ATP13A3: variants seen among roughly 807,000 people sequenced by gnomAD.
ATP13A3 encodes the protein ATPase 13A3.
In ATP13A3, 59 loss-of-function variants were observed where a neutral mutation model predicts 158.1. That is an observed-to-expected ratio of 0.37 (90% CI 0.30 to 0.46). The LOEUF is 0.46. Ranked by LOEUF, ATP13A3 falls within the 20% of genes least tolerant of loss-of-function variation. The pLI is 1.00. For synonymous variants in ATP13A3, 491 were observed against 504.3 expected, an observed-to-expected ratio of 0.97 and a Z score of 0.35; for missense variants, 1,166 against 1,525.2, an observed-to-expected ratio of 0.76 and a Z score of 3.92.
intron 17 of ATP13A3, 58 bp downstream of exon 17, chr3:194,438,797 AT>A (rs1717842414): frequency 8.4e-7 from 1 of 1,194,776 alleles, no homozygotes; most frequent in African/African-American, 1.6e-5. Flanking sequence ...ATTGAAAAAA[AT>A]TAAAAATAAA....
chr3:194,420,717 C>T (rs578146256), intron 30 of ATP13A3, among the ~76,000 whole-genome samples: 34 of 149,908 alleles, frequency 2.3e-4, no homozygotes, highest in Admixed American at 1.3e-4. Context: ...TAAGTGTGTA[C>T]ATCTACACAT....
At chr3:194,488,514 A>G (rs1721089666), upstream of ATP13A3, 1 of 152,572 alleles carries the variant, frequency 6.6e-6, no homozygotes, top group African/African-American at 2.4e-5. The surrounding 1 kb of genome is among the most constrained non-coding windows in gnomAD (Gnocchi z 4.1). Context: ...AACACTTGGC[A>G]TTCTGGCTTC....
At chr3:194,458,342 A>G (rs1360223860) in intron 6 of ATP13A3, among the ~76,000 whole-genome samples, 12 of 125,896 alleles carry the variant, frequency 9.5e-5, no homozygotes, top group African/African-American at 4.6e-4. Flanking sequence ...TGCCAAGTCA[A>G]AAAAAAAAAA....
chr3:194,444,420 CAT>C (rs1190484624), intron 15 of ATP13A3, among the ~76,000 whole-genome samples: 1 of 152,074 alleles, frequency 6.6e-6, no homozygotes, highest in African/African-American at 2.4e-5. Flanking sequence ...AGCAGCAAAA[CAT>C]ATGTACAGTA....
rs751005733 is a variant in ATP13A3, at chr3:194,415,661, C to CTTTTTTTTTTTTTTTTTTTTTTTTTTT, written c.3403-1823_3403-1822insAAAAAAAAAAAAAAAAAAAAAAAAAAA. Among the ~76,000 whole-genome samples the CTTTTTTTTTTTTTTTTTTTTTTTTTTT allele has an allele frequency of 7.7e-5, 7 of 90,928 alleles. 1 individual carries two copies. The highest frequency in any genetic ancestry group is 4.0e-4 in the South Asian group (1 of 2,474). The allele number at this position is 90,928 out of a possible 152,430, so 59.7% of individuals were successfully genotyped here. A position where few individuals can be genotyped will look rare whatever the true frequency, so the allele number is the denominator to read the frequency against. On this transcript the variant is annotated intron_variant, in intron 31 of 33. Coordinates refer to ENST00000645319, the MANE Select transcript of ATP13A3 (RefSeq NM_001367549.1). Reference sequence around the variant, plus strand: ...GTGCAAGGATTTACAATACCACATTCTTTTTTTTTTTTTTTTTTTTTTTTT... The same window carrying CTTTTTTTTTTTTTTTTTTTTTTTTTTT: ...GTGCAAGGATTTACAATACCACATTCTTTTTTTTTTTTTTTTTTTTTTTTTTTTTTTTTTTTTTTTTTTTTTTTTTTT...
At chr3:194,455,771 A>G in intron 8 of ATP13A3, 122 bp downstream of exon 8, 1 of 681,498 alleles carries the variant, frequency 1.5e-6, no homozygotes, top group Non-Finnish European at 2.5e-6. Flanking sequence ...TTTACCTTCC[A>G]AGTAAAAATA....
rs1305803276 is a variant in ATP13A3, at chr3:194,459,517, C to T, written c.433G>A (p.Val145Ile). Reference sequence around the variant, plus strand: ...ATGGTATCATTCCAGAAATATTTTACACTATGGTGGGTGAAATAACGAATC... The same window carrying T: ...ATGGTATCATTCCAGAAATATTTTATACTATGGTGGGTGAAATAACGAATC... ...QQIRYFTHHS[V>I]KYFWNDTIHN... Residue 145 changes from valine to isoleucine, a missense_variant, in exon 6 of 34, where the codon GTA becomes ATA. This residue lies in a region of ATP13A3 where 104 missense variants were observed against 91.7 expected (regional missense o/e 1.13). Transcript: ENST00000645319. 5 of 1,604,220 alleles carry T rather than the reference C, an allele frequency of 3.1e-6. No homozygotes were observed. Among genetic ancestry groups the T allele is most frequent in the Non-Finnish European group, 4.3e-6 (5 of 1,171,846 alleles).
At chr3:194,445,686 T>G (rs942922214) in intron 14 of ATP13A3, among the ~76,000 whole-genome samples, 2 of 152,228 alleles carry the variant, frequency 1.3e-5, no homozygotes, top group African/African-American at 4.8e-5. Flanking sequence ...GTATGTGACA[T>G]ATTTTTTTCT....
rs373390034 is a variant in ATP13A3 at position 194,444,736 on chromosome 3, C to T, written c.1548G>A (p.Val516=). The part of the protein sequence containing the change: ...DGLDLWGIQR[V]ENARFLSPEE... ...TAACTAATATTTACCGTGCATTTTC[C>T]ACTCGTTGAATCCCCCAAAGATCTA... The change falls in exon 15 of 34, where the codon GTG becomes GTA. Residue 516 remains valine, a synonymous_variant. Transcript: ENST00000645319. 6.9e-6 allele frequency: 11 copies of T among 1,593,264 alleles called. No homozygotes were observed. The South Asian group carries it at 7.0e-5, about 10-fold the overall frequency.
chr3:194,448,076 ATCTC>A lies in ATP13A3; in HGVS notation c.1151-71_1151-68del, dbSNP rs991608600. On this transcript the variant is annotated intron_variant, in intron 12 of 33. Transcript: ENST00000645319. The surrounding 1 kb of genome is among the most constrained non-coding windows in gnomAD (Gnocchi z 4.0). ...AATGAGAATTATCTCCCAAAACAGA[ATCTC>A]TCTTTTTTTTTTTTTGAGACAGAGT... 69 of 1,432,748 alleles carry A rather than the reference ATCTC, an allele frequency of 4.8e-5. No homozygotes were observed. Among genetic ancestry groups the A allele is most frequent in the Middle Eastern group, 3.6e-4 (2 of 5,532 alleles). 88.8% of individuals were successfully genotyped at this position (1,432,748 alleles called of 1,614,324 possible).
At chr3:194,433,607 C>CA in intron 21 of ATP13A3, among the ~76,000 whole-genome samples, 165 bp downstream of exon 21, 1 of 152,200 alleles carries the variant, frequency 6.6e-6, no homozygotes. Context: ...AAGAATATGA[C>CA]AAAGTTATCT....
At chr3:194,410,206 T>C (rs565010640) in intron 33 of ATP13A3, among the ~76,000 whole-genome samples, 17 of 137,886 alleles carry the variant, frequency 1.2e-4, no homozygotes, top group Non-Finnish European at 1.8e-4. Flanking sequence ...ACGCCTGTAA[T>C]CCCAGCACTT....
intron 1 of ATP13A3, among the ~76,000 whole-genome samples, chr3:194,486,183 G>A (rs539702277): frequency 5.3e-5 from 8 of 152,272 alleles, no homozygotes; most frequent in African/African-American, 1.7e-4. Flanking sequence ...TGCGGAGATG[G>A]CAAGCAGCTC....
At chr3:194,423,456 G>A (rs1222368606) in intron 30 of ATP13A3, among the ~76,000 whole-genome samples, 1 of 152,154 alleles carries the variant, frequency 6.6e-6, no homozygotes, top group Non-Finnish European at 1.5e-5. Flanking sequence ...TAACAGACAG[G>A]TCCTAGAAAG....
intron 16 of ATP13A3, among the ~76,000 whole-genome samples, chr3:194,439,199 G>A: frequency 6.6e-6 from 1 of 152,166 alleles, no homozygotes; most frequent in Non-Finnish European, 1.5e-5. Flanking sequence ...ATGGGAGAAG[G>A]GTTGCTTCAT....
At chr3:194,463,300 T>C (rs1719784956) in intron 2 of ATP13A3, among the ~76,000 whole-genome samples, 1 of 151,980 alleles carries the variant, frequency 6.6e-6, no homozygotes, top group Admixed American at 6.6e-5. Context: ...TTTTTTTTTT[T>C]TTTTGTATTT....
rs753272475 is a variant in ATP13A3, at chr3:194,430,100, T to C, written c.2749A>G (p.Ser917Gly). 16 of 1,613,998 alleles carry C rather than the reference T, an allele frequency of 9.9e-6. No individual in the cohort carries two copies. Among genetic ancestry groups the C allele is most frequent in the Non-Finnish European group, 1.3e-5 (15 of 1,180,002 alleles). The change falls in exon 26 of 34, where the codon AGT (serine) becomes GGT (glycine). Residue 917 changes from serine (S) to glycine (G), a missense_variant. Coordinates refer to ENST00000645319, the MANE Select transcript of ATP13A3 (RefSeq NM_001367549.1). ...ATAAGGTTTGGCACACAGGAAATACTAGGAGTCTTAGAGGTAAAGGGAGAT... is the reference window on the plus strand; with the variant it reads ...ATAAGGTTTGGCACACAGGAAATACCAGGAGTCTTAGAGGTAAAGGGAGAT... ...VASPFTSKTP[S>G]ISCVPNLIRE...
intron 16 of ATP13A3, 71 bp downstream of exon 16, chr3:194,441,240 T>C (rs1577059967): frequency 1.6e-6 from 2 of 1,261,620 alleles, no homozygotes; most frequent in Admixed American, 2.1e-5. Flanking sequence ...GAAATAATCC[T>C]TGTATGAGGT....
chr3:194,436,978 T>C (rs1577054893), intron 20 of ATP13A3, 117 bp downstream of exon 20: 3 of 1,253,060 alleles, frequency 2.4e-6, no homozygotes, highest in Non-Finnish European at 3.3e-6. Context: ...AACAATATTA[T>C]ATTAGATATC....
Sources: gnomAD v4.1 joint callset for allele counts (sites outside exome capture counted in the v4.1 genomes callset) on GRCh38, gnomAD v4.1.1 for gene constraint, gnomAD v4.1.1 regional missense constraint, Gnocchi (gnomAD v3.1) non-coding constraint, MANE v1.5 for transcripts, NCBI Gene and HGNC (gene_info 2026-07-23, HGNC 2026-07-21) for gene names.